The following CDH13 variants were observed in gnomAD, a reference collection of about 807,000 sequenced individuals.
CDH13 encodes cadherin 13, also known as cadherin-13.
A neutral mutation model predicts 63.8 loss-of-function variants in CDH13; 24 were observed. The observed-to-expected ratio is 0.38, with a 90% CI of 0.27 to 0.53. CDH13 has a LOEUF of 0.53. CDH13 is among the 20% of genes least tolerant of loss of function. The pLI is 0.85. For missense variants in CDH13, 1,049 were observed against 903.1 expected (o/e 1.16, Z -2.07); for synonymous variants, 503 against 355.3 (o/e 1.42, Z -4.67).
At chr16:82,966,298 G>A (rs560434278) in intron 2 of CDH13, among the ~76,000 whole-genome samples, 7 of 151,914 alleles carry the variant, frequency 4.6e-5, no homozygotes, top group East Asian at 3.9e-4. Flanking sequence ...ACAGGCGCCC[G>A]CCACCACGCC....
intron 2 of CDH13, among the ~76,000 whole-genome samples, chr16:82,905,131 A>T (rs1165266639): frequency 1.3e-5 from 2 of 152,170 alleles, no homozygotes; most frequent in Non-Finnish European, 2.9e-5. Flanking sequence ...GCCATTCACA[A>T]TGAGCCACGG....
At chr16:82,908,818 C>CG (rs2041730318) in intron 2 of CDH13, among the ~76,000 whole-genome samples, 1 of 152,160 alleles carries the variant, frequency 6.6e-6, no homozygotes, top group African/African-American at 2.4e-5. Flanking sequence ...TCTCCCTATA[C>CG]GGTTGACCCT....
chr16:83,502,203 T>A (rs1488765866), intron 7 of CDH13, among the ~76,000 whole-genome samples: 4 of 152,144 alleles, frequency 2.6e-5, no homozygotes, highest in African/African-American at 9.7e-5. Flanking sequence ...TTAAGTCAAA[T>A]ATATTGAGAT....
In CDH13 at chr16:83,164,481, G is replaced by A. The variant is rs933117504; in HGVS notation, c.483+38980G>A. On this transcript the variant is annotated intron_variant, in intron 4 of 13. Transcript: ENST00000567109. ...ATTCCTTCAAGTCTGTTTCAGAAAT[G>A]TCTAGGGGCCCCACAGATCTCCTGA... Among the ~76,000 whole-genome samples the A allele has an allele frequency of 4.6e-5, 7 of 152,064 alleles. 1 individual carries two copies. The East Asian group carries it at 9.7e-4, about 21-fold the overall frequency.
At chr16:82,830,167 TCCACGTGTGAAACTTATAATAAAAG>T (rs2038466424) in intron 1 of CDH13, among the ~76,000 whole-genome samples, 1 of 152,218 alleles carries the variant, frequency 6.6e-6, no homozygotes, top group African/African-American at 2.4e-5. Flanking sequence ...GCCCATTCTG[TCCACGTGTGAAACTTATAATAAAAG>T]CCACTATCTT....
rs1041037687 is a variant in CDH13 at position 82,644,132 on chromosome 16, T to A, written c.45+16995T>A. On this transcript the variant is annotated intron_variant, in intron 1 of 13. Coordinates refer to ENST00000567109, the MANE Select transcript of CDH13 (RefSeq NM_001257.5). This position sits in a 1 kb window ranked among gnomAD's most constrained non-coding sequence, Gnocchi z 5.7. ...ATGCTAATTGTCATTGTACTCAAGT[T>A]GATAGCAGATTGCTGAAGGATTTAG... 3.9e-5 allele frequency among the ~76,000 whole-genome samples: 6 copies of A among 152,112 alleles called. No homozygotes were observed. The highest frequency in any genetic ancestry group is 1.4e-4 in the African/African-American group (6 of 41,406).
intron 6 of CDH13, among the ~76,000 whole-genome samples, chr16:83,369,108 A>G (rs983516625): frequency 9.2e-5 from 14 of 151,376 alleles, no homozygotes; most frequent in Non-Finnish European, 1.8e-4. Flanking sequence ...ATCAAACAGT[A>G]GGTCTACTTT....
intron 1 of CDH13, among the ~76,000 whole-genome samples, chr16:82,699,255 T>C (rs763643738): frequency 2.6e-5 from 4 of 152,170 alleles, no homozygotes; most frequent in Non-Finnish European, 5.9e-5. Flanking sequence ...GGGTCACTGA[T>C]GATTACCTGA....
At chr16:83,162,095 A>T (rs2037471359) in intron 4 of CDH13, among the ~76,000 whole-genome samples, 1 of 152,196 alleles carries the variant, frequency 6.6e-6, no homozygotes, top group South Asian at 2.1e-4. Context: ...TTAAACATGA[A>T]CTGCTTCTCA....
chr16:83,516,573 C>G lies in CDH13; in HGVS notation c.960+29918C>G, dbSNP rs144072373. Among the ~76,000 whole-genome samples, 125 of 152,238 alleles carry G rather than the reference C, an allele frequency of 8.2e-4. 1 individual carries two copies. The highest frequency in any genetic ancestry group is 2.7e-3 in the African/African-American group (111 of 41,532). On this transcript the variant is annotated intron_variant, in intron 7 of 13. Coordinates refer to ENST00000567109, the MANE Select transcript of CDH13 (RefSeq NM_001257.5). ...GGAGAGGTGTCTTCTCTTCCTAGACCTGGGATTTTAATGTGAGAGCTCCCT... is the reference window on the plus strand; with the variant it reads ...GGAGAGGTGTCTTCTCTTCCTAGACGTGGGATTTTAATGTGAGAGCTCCCT...
chr16:83,359,045 T>G (rs2091109761), intron 6 of CDH13, among the ~76,000 whole-genome samples: 2 of 152,048 alleles, frequency 1.3e-5, no homozygotes, highest in African/African-American at 2.4e-5. Flanking sequence ...GAGGAAAACT[T>G]TAAAGGGCTC....
chr16:82,883,133 A>G (rs1015901830), intron 2 of CDH13, among the ~76,000 whole-genome samples: 3 of 152,218 alleles, frequency 2.0e-5, no homozygotes, highest in Non-Finnish European at 4.4e-5. Flanking sequence ...AAATTCAGAA[A>G]GCATAAGAGA....
chr16:83,024,162 A>G (rs1052685275), intron 2 of CDH13, among the ~76,000 whole-genome samples: 1 of 152,232 alleles, frequency 6.6e-6, no homozygotes, highest in African/African-American at 2.4e-5. Flanking sequence ...ACCAGCCAGC[A>G]TTTCCAGAGG....
At chr16:82,806,381 C>A (rs28566982) in intron 1 of CDH13, among the ~76,000 whole-genome samples, 14,703 of 152,166 alleles carry the variant, frequency 0.097, 756 homozygotes, top group African/African-American at 0.11. Context: ...AGGTACAAAA[C>A]GTATACCAGA....
chr16:82,627,958 C>T (rs1907546567), intron 1 of CDH13, among the ~76,000 whole-genome samples: 1 of 152,256 alleles, frequency 6.6e-6, no homozygotes, highest in Non-Finnish European at 1.5e-5. Context: ...GCTGCAGCTG[C>T]TTGTTAACCC....
chr16:83,354,943 G>A (rs951417443), intron 6 of CDH13, among the ~76,000 whole-genome samples: 4 of 152,212 alleles, frequency 2.6e-5, no homozygotes, highest in African/African-American at 9.7e-5. Context: ...GGGTAGCGGG[G>A]ACACAGACTG....
intron 6 of CDH13, among the ~76,000 whole-genome samples, chr16:83,424,563 G>A (rs1489421647): frequency 2.6e-5 from 4 of 152,078 alleles, no homozygotes; most frequent in South Asian, 4.2e-4. Flanking sequence ...TTAGACTGAG[G>A]CAAACTAATA....
In CDH13 at chr16:82,656,607, G is replaced by A. The variant is rs186221449; in HGVS notation, c.45+29470G>A. Among the ~76,000 whole-genome samples, 78 of 152,222 alleles carry A rather than the reference G, an allele frequency of 5.1e-4. 3 individuals are homozygous for A. Among genetic ancestry groups the A allele is most frequent in the Non-Finnish European group, 1.9e-4 (13 of 68,014 alleles). On this transcript the variant is annotated intron_variant, in intron 1 of 13. Coordinates refer to ENST00000567109, the MANE Select transcript of CDH13 (RefSeq NM_001257.5). ...ATCACTCAAAGTTCACAGTTTACAT[G>A]AGGGTTCACTCTTGGTGCTGTACGG...
chr16:83,749,006 C>G (rs1308549127), intron 11 of CDH13, among the ~76,000 whole-genome samples: 1 of 152,102 alleles, frequency 6.6e-6, no homozygotes, highest in Non-Finnish European at 1.5e-5. Context: ...AAAGAGAGTT[C>G]CTATATACTT....
Sources: allele counts gnomAD v4.1 joint callset (sites outside exome capture counted in the v4.1 genomes callset), GRCh38; gene constraint gnomAD v4.1.1; non-coding constraint Gnocchi (gnomAD v3.1); transcripts MANE v1.5; gene names NCBI Gene and HGNC (gene_info 2026-07-23, HGNC 2026-07-21).